Variants in FHOD3 observed in about 807,000 individuals in gnomAD.
The protein encoded by FHOD3 is formin homology 2 domain containing 3, also known as FH1/FH2 domain-containing protein 3.
Under a neutral mutation model 173.0 loss-of-function variants are expected in FHOD3, and 90 were observed. The ratio of observed to expected loss-of-function variants is 0.52; its 90% confidence interval spans 0.44 to 0.62. FHOD3 has a LOEUF of 0.62. Ranked by LOEUF, FHOD3 falls within the 20% of genes least tolerant of loss-of-function variation. The pLI is 0.00. For synonymous variants in FHOD3, 828 were observed against 823.0 expected, an observed-to-expected ratio of 1.01 and a Z score of -0.10; for missense variants, 1,945 against 2,034.7, an observed-to-expected ratio of 0.96 and a Z score of 0.85.
At chr18:36,504,542 T>A (rs1234904845) in intron 4 of FHOD3, among the ~76,000 whole-genome samples, 1 of 136,204 alleles carries the variant, frequency 7.3e-6, no homozygotes, top group East Asian at 2.1e-4. Context: ...AATTGAACAA[T>A]GAGAACACAT....
At chr18:36,377,808 C>T (rs2047523037) in intron 3 of FHOD3, among the ~76,000 whole-genome samples, 1 of 152,188 alleles carries the variant, frequency 6.6e-6, no homozygotes, top group Non-Finnish European at 1.5e-5. Context: ...CCATCCCATC[C>T]CCTGGCCATC....
chr18:36,760,777 G>A lies in FHOD3; in HGVS notation c.4619G>A (p.Ser1540Asn). ...ALGVRTRSRASRGSTSSWTMG... is the reference protein window; with the variant it reads ...ALGVRTRSRANRGSTSSWTMG... ...GGCGTCCGCACACGCAGCCGAGCAA[G>A]CCGAGGTAACTCCTGGCTGCGCGGG... Residue 1540 changes from serine (S) to asparagine (N), a missense_variant, in exon 27 of 29, where the codon AGC (serine) becomes AAC (asparagine). Physicochemically the swap from Ser to Asn is conservative, Grantham distance 46. Transcript: ENST00000590592. The A allele has an allele frequency of 6.2e-7, 1 of 1,609,596 alleles. No individual in the cohort carries two copies. Among genetic ancestry groups the A allele is most frequent in the Non-Finnish European group, 8.5e-7 (1 of 1,178,394 alleles).
intron 17 of FHOD3, among the ~76,000 whole-genome samples, chr18:36,698,082 G>A (rs2039387876): frequency 6.6e-6 from 1 of 152,150 alleles, no homozygotes; most frequent in Non-Finnish European, 1.5e-5. Context: ...CCTTTTGGAT[G>A]CCTCCAGTTC....
chr18:36,354,591 C>T lies in FHOD3; in HGVS notation c.166-948C>T, dbSNP rs571882031. ...CCGAGGCGGGTGGATCACCTGAGGT[C>T]AGGAGTTCGAGACCAGGCTGGCCAA... On this transcript the variant is annotated intron_variant, in intron 1 of 28. Transcript: ENST00000590592. Among the ~76,000 whole-genome samples, 70 of 152,230 alleles carry T rather than the reference C, an allele frequency of 4.6e-4. 1 individual carries two copies. The highest frequency in any genetic ancestry group is 1.7e-3 in the African/African-American group (69 of 41,546).
chr18:36,628,831 C>T (rs1318752164), intron 10 of FHOD3, among the ~76,000 whole-genome samples: 1 of 152,126 alleles, frequency 6.6e-6, no homozygotes, highest in Non-Finnish European at 1.5e-5. Flanking sequence ...TGAGGTACCC[C>T]ATCTGCCCTT....
chr18:36,531,739 C>T (rs1467916984), intron 5 of FHOD3, among the ~76,000 whole-genome samples: 2 of 152,234 alleles, frequency 1.3e-5, no homozygotes, highest in Non-Finnish European at 2.9e-5. Context: ...AAGTGGAACT[C>T]TCTGGGACTG....
intron 2 of FHOD3, among the ~76,000 whole-genome samples, chr18:36,369,230 T>G (rs1482417729): frequency 6.6e-6 from 1 of 152,122 alleles, no homozygotes; most frequent in East Asian, 1.9e-4. Flanking sequence ...TAAACAGATA[T>G]GATTAATTCC....
At chr18:36,722,657 T>G (rs2040849265) in intron 19 of FHOD3, among the ~76,000 whole-genome samples, 1 of 151,954 alleles carries the variant, frequency 6.6e-6, no homozygotes. Context: ...CAGGCTGGAG[T>G]GCAGTGGCAC....
At chr18:36,406,962 A>T (rs147259671) in intron 3 of FHOD3, among the ~76,000 whole-genome samples, 1 of 152,286 alleles carries the variant, frequency 6.6e-6, no homozygotes, top group East Asian at 1.9e-4. Flanking sequence ...CTGCTGTGGG[A>T]TGAAGTCATG....
chr18:36,360,229 C>T (rs529581757), intron 2 of FHOD3, among the ~76,000 whole-genome samples: 2 of 152,258 alleles, frequency 1.3e-5, no homozygotes, highest in Admixed American at 1.3e-4. Flanking sequence ...TGGCTTGAGC[C>T]AAGAGTGGAC....
chr18:36,709,457 C>T, intron 18 of FHOD3, 66 bp downstream of exon 18: 1 of 1,518,756 alleles, frequency 6.6e-7, no homozygotes, highest in Non-Finnish European at 8.9e-7. Context: ...GGCTGGTTCT[C>T]TAAGAGCTTG....
At chr18:36,502,402 C>T (rs932270827) in intron 4 of FHOD3, among the ~76,000 whole-genome samples, 6 of 152,132 alleles carry the variant, frequency 3.9e-5, no homozygotes, top group Non-Finnish European at 7.3e-5. Flanking sequence ...TTCCCTAGCC[C>T]CCTACCCACT....
chr18:36,322,151 GT>G (rs1208401928), intron 1 of FHOD3, among the ~76,000 whole-genome samples: 2 of 152,160 alleles, frequency 1.3e-5, no homozygotes, highest in African/African-American at 4.8e-5. Context: ...TTCTGTGATG[GT>G]GGGAGAAATT....
chr18:36,485,388 A>AAGGG (rs1280067181), intron 3 of FHOD3, among the ~76,000 whole-genome samples: 1 of 152,136 alleles, frequency 6.6e-6, no homozygotes, highest in East Asian at 1.9e-4. Flanking sequence ...GCCACTCAGA[A>AAGGG]AGGGAGGGAG....
chr18:36,344,824 A>G (rs930514110), intron 1 of FHOD3, among the ~76,000 whole-genome samples: 2 of 152,190 alleles, frequency 1.3e-5, no homozygotes, highest in African/African-American at 4.8e-5. Flanking sequence ...CAAATATTGT[A>G]AGTAAAGGAC....
intron 17 of FHOD3, among the ~76,000 whole-genome samples, chr18:36,701,181 G>A (rs1002997282): frequency 1.3e-5 from 2 of 152,192 alleles, no homozygotes; most frequent in African/African-American, 4.8e-5. Flanking sequence ...TGCAGAGACA[G>A]CTGTTTCCTC....
At chr18:36,401,953 T>A (rs2048831030) in intron 3 of FHOD3, among the ~76,000 whole-genome samples, 1 of 152,244 alleles carries the variant, frequency 6.6e-6, no homozygotes, top group Admixed American at 6.5e-5. Flanking sequence ...AATGCTGTAA[T>A]GAACCCTTGT....
chr18:36,681,651 A>G, intron 15 of FHOD3, 81 bp downstream of exon 15: 1 of 1,431,478 alleles, frequency 7.0e-7, no homozygotes, highest in Non-Finnish European at 9.4e-7. Flanking sequence ...TACATTTAAT[A>G]TTGGCATTAA....
At chr18:36,354,637 A>G (rs1196092688) in intron 1 of FHOD3, among the ~76,000 whole-genome samples, 2 of 152,034 alleles carry the variant, frequency 1.3e-5, no homozygotes, top group African/African-American at 4.8e-5. Flanking sequence ...CCCCATCTCT[A>G]CTAAAAATAC....
Sources: gnomAD v4.1 joint callset for allele counts (sites outside exome capture counted in the v4.1 genomes callset) on GRCh38, gnomAD v4.1.1 for gene constraint, MANE v1.5 for transcripts, NCBI Gene and HGNC (gene_info 2026-07-23, HGNC 2026-07-21) for gene names.